RNF220: variants seen among roughly 807,000 people sequenced by gnomAD.
RNF220 encodes ring finger protein 220.
In RNF220, 7 loss-of-function variants were observed where a neutral mutation model predicts 67.1. The observed-to-expected ratio is 0.10, with a 90% CI of 0.06 to 0.20. The LOEUF (loss-of-function observed/expected upper bound fraction) is 0.20, where lower values mean the gene tolerates loss of function less well. RNF220 is among the 10% of genes least tolerant of loss of function. RNF220 has a pLI of 1.00. For synonymous variants in RNF220, 270 were observed against 283.2 expected (o/e 0.95, Z 0.47); for missense variants, 565 against 740.3 (o/e 0.76, Z 2.75).
In RNF220 at chr1:44,624,579, T is replaced by C. The variant is rs1290394439; in HGVS notation, c.805-1718T>C. On this transcript the variant is annotated intron_variant, in intron 4 of 14. Transcript: ENST00000361799. The surrounding 1 kb of genome is among the most constrained non-coding windows in gnomAD (Gnocchi z 4.2). The stretch of plus-strand genomic sequence containing the variant: ...CCCCAAAGCTGAATAGTTCAGGGTC[T>C]ATCCTCTGCCTTGACCTAGGCTTTA... Among the ~76,000 whole-genome samples the C allele has an allele frequency of 6.6e-6, 1 of 152,148 alleles. No individual in the cohort carries two copies. Among genetic ancestry groups the C allele is most frequent in the Non-Finnish European group, 1.5e-5 (1 of 68,024 alleles).
chr1:44,570,081 C>T (rs868402520), intron 2 of RNF220, among the ~76,000 whole-genome samples: 8 of 152,200 alleles, frequency 5.3e-5, no homozygotes, highest in African/African-American at 1.2e-4. Context: ...TTTTCAGGTC[C>T]GAATGGAAGC....
At chr1:44,550,492 A>G (rs985663823) in intron 2 of RNF220, among the ~76,000 whole-genome samples, 4 of 152,192 alleles carry the variant, frequency 2.6e-5, no homozygotes, top group Non-Finnish European at 4.4e-5. Context: ...CCCTAGGTGC[A>G]TGGGAGAATC....
intron 1 of RNF220, among the ~76,000 whole-genome samples, chr1:44,408,542 C>T (rs1264668047): frequency 6.6e-6 from 1 of 152,212 alleles, no homozygotes; most frequent in African/African-American, 2.4e-5. Flanking sequence ...TTCTTAACAA[C>T]CCCCCACTAC....
intron 3 of RNF220, among the ~76,000 whole-genome samples, chr1:44,618,820 G>A (rs1337115575): frequency 1.3e-5 from 2 of 152,208 alleles, no homozygotes; most frequent in African/African-American, 2.4e-5. Context: ...GACAGTGGCA[G>A]TGGCAGTGGG....
At chr1:44,566,654 C>T (rs906489967) in intron 2 of RNF220, among the ~76,000 whole-genome samples, 5 of 127,962 alleles carry the variant, frequency 3.9e-5, no homozygotes, top group African/African-American at 1.3e-4. Flanking sequence ...TGGAGAAACC[C>T]TAGGGCCAGC....
At chr1:44,635,324 TACTC>T (rs139395991) in intron 6 of RNF220, 12,742 of 557,170 alleles carry the variant, frequency 0.023, 188 homozygotes, top group Non-Finnish European at 0.029. Flanking sequence ...AGAGTGGACT[TACTC>T]ACTGGCTTAG....
intron 2 of RNF220, among the ~76,000 whole-genome samples, chr1:44,481,559 G>A (rs1188683078): frequency 1.3e-5 from 2 of 152,124 alleles, no homozygotes; most frequent in African/African-American, 2.4e-5. Context: ...TGAGCGGGGG[G>A]TACTTAGAGG....
At chr1:44,588,157 G>C (rs1027029611) in intron 2 of RNF220, among the ~76,000 whole-genome samples, 1 of 152,240 alleles carries the variant, frequency 6.6e-6, no homozygotes, top group African/African-American at 2.4e-5. Context: ...GAAGGTCCCA[G>C]TATTTGGACC....
chr1:44,616,030 G>A (rs116500371), intron 3 of RNF220, among the ~76,000 whole-genome samples: 3 of 152,164 alleles, frequency 2.0e-5, no homozygotes, highest in Admixed American at 1.3e-4. Flanking sequence ...ATGGCTGTTG[G>A]CAGGAGGCCT....
chr1:44,598,637 C>A (rs1666707584), intron 2 of RNF220, among the ~76,000 whole-genome samples: 1 of 150,114 alleles, frequency 6.7e-6, no homozygotes. Flanking sequence ...CTGCTGGGGA[C>A]CCTCTAGGAG....
intron 2 of RNF220, among the ~76,000 whole-genome samples, chr1:44,512,036 G>A (rs1490383104): frequency 1.3e-5 from 2 of 152,158 alleles, no homozygotes; most frequent in Non-Finnish European, 2.9e-5. Context: ...TGTAATGGGT[G>A]TGCCACAAGT....
At chr1:44,447,410 C>T (rs1652218677) in intron 2 of RNF220, among the ~76,000 whole-genome samples, 1 of 152,204 alleles carries the variant, frequency 6.6e-6, no homozygotes, top group Admixed American at 6.5e-5. Context: ...AATCTATATA[C>T]ATATCTCTGT....
chr1:44,632,395 G>GCCCGGCCCCTCCCTCCGCCCCACC lies in RNF220; in HGVS notation c.949+18_949+41dup. Reference sequence around the variant, plus strand: ...CAGACCCGACTGAATGGTGAGTCCTGCCCGGCCCCTCCCTCCGCCCCACCC... The same window carrying GCCCGGCCCCTCCCTCCGCCCCACC: ...CAGACCCGACTGAATGGTGAGTCCTGCCCGGCCCCTCCCTCCGCCCCACCCCCGGCCCCTCCCTCCGCCCCACCC... On this transcript the variant is annotated intron_variant, in intron 6 of 14. Coordinates refer to ENST00000361799, the MANE Select transcript of RNF220 (RefSeq NM_018150.4). The GCCCGGCCCCTCCCTCCGCCCCACC allele has an allele frequency of 6.2e-7, 1 of 1,611,334 alleles. No individual in the cohort carries two copies. The highest frequency in any genetic ancestry group is 8.5e-7 in the Non-Finnish European group (1 of 1,179,104).
intron 2 of RNF220, among the ~76,000 whole-genome samples, chr1:44,521,958 A>G (rs964332599): frequency 6.6e-6 from 1 of 152,252 alleles, no homozygotes; most frequent in African/African-American, 2.4e-5. Context: ...GTCTGGGAAC[A>G]CAGTGAAGGG....
chr1:44,575,863 C>G (rs1335277861), intron 2 of RNF220, among the ~76,000 whole-genome samples: 2 of 152,198 alleles, frequency 1.3e-5, no homozygotes, highest in African/African-American at 4.8e-5. Context: ...TGCCTGCTCT[C>G]CCACTAGTCT....
chr1:44,647,152 T>C (rs1019814253), intron 12 of RNF220, among the ~76,000 whole-genome samples: 7 of 152,226 alleles, frequency 4.6e-5, no homozygotes, highest in Non-Finnish European at 7.3e-5. Context: ...TCTCCTGGCC[T>C]CATCCTTCTT....
intron 2 of RNF220, among the ~76,000 whole-genome samples, chr1:44,481,484 A>C (rs1421359075): frequency 6.6e-6 from 1 of 152,274 alleles, no homozygotes; most frequent in African/African-American, 2.4e-5. Context: ...AGAGTTGAAC[A>C]ATGAGAACAC....
intron 2 of RNF220, among the ~76,000 whole-genome samples, chr1:44,428,808 G>T (rs775933071): frequency 9.2e-5 from 14 of 152,078 alleles, no homozygotes; most frequent in Non-Finnish European, 1.6e-4. Flanking sequence ...GCCCTAAGTG[G>T]TTTATTCTAT....
intron 2 of RNF220, among the ~76,000 whole-genome samples, chr1:44,529,383 A>G (rs914360485): frequency 5.9e-5 from 9 of 151,724 alleles, no homozygotes; most frequent in African/African-American, 2.2e-4. Context: ...ACACACACAC[A>G]TATTTTTAGA....
Sources: gnomAD v4.1 joint callset for allele counts (sites outside exome capture counted in the v4.1 genomes callset) on GRCh38, gnomAD v4.1.1 for gene constraint, Gnocchi (gnomAD v3.1) non-coding constraint, MANE v1.5 for transcripts, NCBI Gene and HGNC (gene_info 2026-07-23, HGNC 2026-07-21) for gene names.